The following MYO10 variants were observed in gnomAD, a reference collection of about 807,000 sequenced individuals.
The protein encoded by MYO10 is unconventional myosin-X.
In MYO10, 133 loss-of-function variants were observed where a neutral mutation model predicts 257.3. That is an observed-to-expected ratio of 0.52 (90% CI 0.45 to 0.60). MYO10 has a LOEUF of 0.60. Ranked by LOEUF, MYO10 falls within the 20% of genes least tolerant of loss-of-function variation. The pLI, the probability that MYO10 is intolerant of heterozygous loss-of-function variation, is 0.00. For synonymous variants in MYO10, 1,104 were observed against 1,028.6 expected, an observed-to-expected ratio of 1.07 and a Z score of -1.40; for missense variants, 2,399 against 2,635.7, an observed-to-expected ratio of 0.91 and a Z score of 1.97.
chr5:16,713,346 C>A, intron 19 of MYO10: 1 of 985,852 alleles, frequency 1.0e-6, no homozygotes. Context: ...CCTGTCTCTC[C>A]AAGGGGCATC....
At chr5:16,767,546 G>A (rs1170870386) in intron 10 of MYO10, among the ~76,000 whole-genome samples, 3 of 151,888 alleles carry the variant, frequency 2.0e-5, no homozygotes, top group Non-Finnish European at 2.9e-5. Flanking sequence ...TATCCTTCCT[G>A]TTTTCTGATT....
intron 1 of MYO10, among the ~76,000 whole-genome samples, chr5:16,923,430 G>T (rs974989741): frequency 7.9e-5 from 12 of 151,880 alleles, no homozygotes; most frequent in African/African-American, 2.9e-4. Context: ...GGGACTACAG[G>T]TGCCCACCAC....
At chr5:16,677,616 C>A (rs866549147) in intron 33 of MYO10, among the ~76,000 whole-genome samples, 4 of 151,490 alleles carry the variant, frequency 2.6e-5, no homozygotes, top group African/African-American at 9.7e-5. Context: ...GGGGTTTCAC[C>A]GTGTTAGCCA....
chr5:16,794,249 T>G (rs761546162), intron 4 of MYO10, among the ~76,000 whole-genome samples: 103 of 152,188 alleles, frequency 6.8e-4, no homozygotes, highest in Non-Finnish European at 1.2e-3. Flanking sequence ...ACATAAGCCT[T>G]GTGAGTAGCA....
chr5:16,689,865 A>G lies in MYO10; in HGVS notation c.3855T>C (p.Asp1285=). 6.2e-7 allele frequency: 1 copy of G among 1,613,840 alleles called. No individual in the cohort carries two copies. The stretch of plus-strand genomic sequence containing the variant: ...ACTCTGCAATCAGGTGGAAAGTCCT[A>G]TCGGCCATAATGATGTCGATCCCAT... ...KENGIDIIMA[D]RTFHLIAESP... The change falls in exon 28 of 41, where the codon GAT becomes GAC. Residue 1285 remains aspartate (D), a synonymous_variant. Transcript: ENST00000513610.
rs766773012 is a variant in MYO10 at position 16,678,230 on chromosome 5, C to T, written c.4542+1717G>A. Among the ~76,000 whole-genome samples, 35 of 152,098 alleles carry T rather than the reference C, an allele frequency of 2.3e-4. 1 individual carries two copies. The highest frequency in any genetic ancestry group is 4.4e-4 in the Non-Finnish European group (30 of 68,012). On this transcript the variant is annotated intron_variant, in intron 33 of 40. Coordinates refer to ENST00000513610, the MANE Select transcript of MYO10 (RefSeq NM_012334.3). ...AGGCTAAAAATGAAATTATGTGTAG[C>T]CAGTGCCCTGGGTTGCATGGAAAAC...
In MYO10 at chr5:16,780,516, C is replaced by A; in HGVS notation, c.826+8G>T. 1 of 1,565,216 alleles carries A rather than the reference C, an allele frequency of 6.4e-7. No individual in the cohort carries two copies. The highest frequency in any genetic ancestry group is 2.3e-5 in the East Asian group (1 of 43,580). On this transcript the variant is annotated splice_region_variant and intron_variant, in intron 8 of 40. Coordinates refer to ENST00000513610, the MANE Select transcript of MYO10 (RefSeq NM_012334.3). ...TAGTCCACATTATCCAGCTGTCGTCCCACTCACCTCTTTCTTCATGTTCCA... is the reference window on the plus strand; with the variant it reads ...TAGTCCACATTATCCAGCTGTCGTCACACTCACCTCTTTCTTCATGTTCCA...
chr5:16,898,416 T>C (rs980744468), intron 1 of MYO10, among the ~76,000 whole-genome samples: 4 of 131,472 alleles, frequency 3.0e-5, no homozygotes, highest in African/African-American at 1.1e-4. Flanking sequence ...TCTTTCTCTT[T>C]TTTTTTTTTT....
At position 16,673,763 on chromosome 5, in the gene MYO10, C is replaced by T. The variant is rs1350560454; in HGVS notation, c.5091G>A (p.Arg1697=). ...SRDEIEALIH[R]QEMTSTVYCH... ...AATAGACCGTGGATGTCATTTCCTG[C>T]CTGTGGATCAGAGCTTCTATTTCAT... The change falls in exon 36 of 41, where the codon AGG becomes AGA. Residue 1697 remains arginine (R), a synonymous_variant. Transcript: ENST00000513610. 1 of 1,613,986 alleles carries T rather than the reference C, an allele frequency of 6.2e-7. No homozygotes were observed. The highest frequency in any genetic ancestry group is 1.1e-5 in the South Asian group (1 of 91,074).
chr5:16,795,018 G>C (rs1254233531), intron 3 of MYO10, among the ~76,000 whole-genome samples, 185 bp from the exon 4 acceptor site: 1 of 152,202 alleles, frequency 6.6e-6, no homozygotes, highest in African/African-American at 2.4e-5. Flanking sequence ...CCATTTCAAA[G>C]AGGGATGGCA....
intron 1 of MYO10, among the ~76,000 whole-genome samples, chr5:16,887,314 A>G (rs967944263): frequency 1.4e-4 from 22 of 152,358 alleles, no homozygotes; most frequent in African/African-American, 4.8e-4. Flanking sequence ...TCTTTGGTCA[A>G]TGTTCCAAAG....
intron 2 of MYO10, chr5:16,853,969 C>T (rs1247964700): frequency 6.6e-6 from 1 of 151,990 alleles, no homozygotes. Flanking sequence ...AGATATGAGA[C>T]TATAACTAGA....
intron 2 of MYO10, among the ~76,000 whole-genome samples, chr5:16,834,510 G>C (rs1254634116): frequency 6.6e-6 from 1 of 152,140 alleles, no homozygotes; most frequent in African/African-American, 2.4e-5. Context: ...GGTTCTCACT[G>C]TCTCATCAAA....
chr5:16,716,022 C>T (rs886484573), intron 19 of MYO10, among the ~76,000 whole-genome samples: 1 of 150,518 alleles, frequency 6.6e-6, no homozygotes, highest in African/African-American at 2.4e-5. Context: ...CACCACTGCA[C>T]CCCAGCCTGG....
chr5:16,846,633 G>A (rs148661906), intron 2 of MYO10, among the ~76,000 whole-genome samples: 4 of 152,318 alleles, frequency 2.6e-5, no homozygotes, highest in Non-Finnish European at 5.9e-5. Context: ...CAAAAGGTGG[G>A]AAAGGTCATC....
rs549759694 is a variant in MYO10, at chr5:16,731,014, C to CAAGTATGTACTAGCATTG, written c.1930-19787_1930-19770dup. On this transcript the variant is annotated intron_variant, in intron 19 of 40. Transcript: ENST00000513610. ...AGGGAGGCCACCTCCAAGGCTGGCA[C>CAAGTATGTACTAGCATTG]AAGTATGTACTAGCATTGATCAAAA... Among the ~76,000 whole-genome samples the CAAGTATGTACTAGCATTG allele has an allele frequency of 2.7e-3, 398 of 148,886 alleles. 3 individuals carry two copies. Among genetic ancestry groups the CAAGTATGTACTAGCATTG allele is most frequent in the African/African-American group, 9.0e-3 (363 of 40,342 alleles).
chr5:16,800,527 AC>A (rs778955892), intron 3 of MYO10, among the ~76,000 whole-genome samples: 20 of 152,176 alleles, frequency 1.3e-4, no homozygotes, highest in Non-Finnish European at 2.5e-4. Flanking sequence ...TGGGTTCTTT[AC>A]CCAGGTTAGG....
At chr5:16,671,789 C>T (rs886572978) in intron 37 of MYO10, among the ~76,000 whole-genome samples, 3 of 152,066 alleles carry the variant, frequency 2.0e-5, no homozygotes, top group Admixed American at 6.5e-5. Context: ...TTCAGAGAGC[C>T]GCATTCGAAT....
intron 31 of MYO10, 58 bp downstream of exon 31, chr5:16,681,813 T>C: frequency 3.8e-6 from 6 of 1,559,636 alleles, no homozygotes; most frequent in Non-Finnish European, 4.4e-6. Context: ...CAGATGTCTA[T>C]ATGCAAATGG....
Sources: gnomAD v4.1 joint callset for allele counts (sites outside exome capture counted in the v4.1 genomes callset) on GRCh38, gnomAD v4.1.1 for gene constraint, MANE v1.5 for transcripts, NCBI Gene and HGNC (gene_info 2026-07-23, HGNC 2026-07-21) for gene names.